H1-1: variants seen among roughly 807,000 people sequenced by gnomAD.
H1-1 encodes H1.1 linker histone, cluster member.
H1-1 carries 2 observed loss-of-function variants against 0.8 expected under a neutral mutation model. The observed-to-expected ratio is 2.64, with a 90% CI of 1.08 to 8.30. The LOEUF (loss-of-function observed/expected upper bound fraction) is 8.30, where lower values mean the gene tolerates loss of function less well. Ranked by LOEUF, H1-1 falls within the 30% of genes most tolerant of loss-of-function variation. H1-1 has a pLI of 0.04. For missense variants in H1-1, 516 were observed against 262.6 expected (o/e 1.97, Z -6.67); for synonymous variants, 211 against 108.2 (o/e 1.95, Z -5.89).
rs947497081 is a variant in H1-1, at chr6:26,017,333, C to G, written c.400G>C (p.Gly134Arg). 3 of 1,613,954 alleles carry G rather than the reference C, an allele frequency of 1.9e-6. No individual in the cohort carries two copies. Among genetic ancestry groups the G allele is most frequent in the African/African-American group, 2.7e-5 (2 of 74,850 alleles). The change falls in exon 1 of 1, where the codon GGT (glycine) becomes CGT (arginine). Residue 134 changes from glycine (G) to arginine (R), a missense_variant. Physicochemically the swap from Gly to Arg is moderately radical, Grantham distance 125. Coordinates refer to ENST00000244573, the MANE Select transcript of H1-1 (RefSeq NM_005325.4). Reference sequence around the variant, plus strand: ...GCCTTTTTGAGCTTTTTAGATGCACCCGTTGCCTTAGTTTTTGTAGCCACC... The same window carrying G: ...GCCTTTTTGAGCTTTTTAGATGCACGCGTTGCCTTAGTTTTTGTAGCCACC... Reference protein sequence around the residue: ...SKVATKTKATGASKKLKKATG... With the variant: ...SKVATKTKATRASKKLKKATG...
Position 26,017,148 on chromosome 6 carries a change from G to C in H1-1, c.585C>G (p.Ala195=). 1 of 1,612,164 alleles carries C rather than the reference G, an allele frequency of 6.2e-7. No individual in the cohort carries two copies. ...TCTTTGGCTTCGTCACCCTAGCCTT[G>C]GCCGCCTTGGGTTTTACAGCCTTAG... ...AKAKAVKPKA[A]KARVTKPKTA... Residue 195 remains alanine, a synonymous_variant, in exon 1 of 1, where the codon GCC becomes GCG. Coordinates refer to ENST00000244573, the MANE Select transcript of H1-1 (RefSeq NM_005325.4).
Position 26,017,530 on chromosome 6 carries a change from G to C in H1-1, c.203C>G (p.Ala68Gly), listed in dbSNP as rs147576172. The change falls in exon 1 of 1, where the codon GCG becomes GGG. Residue 68 changes from alanine to glycine, a missense_variant. Physicochemically the swap from Ala to Gly is moderately conservative, Grantham distance 60. Coordinates refer to ENST00000244573, the MANE Select transcript of H1-1 (RefSeq NM_005325.4). ...CACGTCGTAGCCTGCGGCCGCCAGC[G>C]CCTTTTTAAGAGCTGCCAACGACAC... ...GGVSLAALKK[A>G]LAAAGYDVEK... The C allele has an allele frequency of 6.2e-7, 1 of 1,614,096 alleles. No individual in the cohort carries two copies. The highest frequency in any genetic ancestry group is 8.5e-7 in the Non-Finnish European group (1 of 1,180,020).
In H1-1 at chr6:26,017,377, G is replaced by A; in HGVS notation, c.356C>T (p.Thr119Ile). Residue 119 changes from threonine to isoleucine, a missense_variant, in exon 1 of 1, where the codon ACC becomes ATC. Thr to Ile is a moderately conservative substitution (Grantham distance 89). Coordinates refer to ENST00000244573, the MANE Select transcript of H1-1 (RefSeq NM_005325.4). ...KLNKKASSVE[T>I]KPGASKVATK... ...AGCCACCTTTGAGGCGCCGGGCTTGGTTTCCACGGAGGACGCCTTCTTGTT... is the reference window on the plus strand; with the variant it reads ...AGCCACCTTTGAGGCGCCGGGCTTGATTTCCACGGAGGACGCCTTCTTGTT... 6.2e-7 allele frequency: 1 copy of A among 1,614,108 alleles called. No homozygotes were observed. The highest frequency in any genetic ancestry group is 8.5e-7 in the Non-Finnish European group (1 of 1,180,026).
Position 26,017,341 on chromosome 6 carries a change from T to C in H1-1, c.392A>G (p.Lys131Arg), listed in dbSNP as rs1406551994. The change falls in exon 1 of 1, where the codon AAG becomes AGG. Residue 131 changes from lysine to arginine, a missense_variant. Physicochemically the swap from Lys to Arg is conservative, Grantham distance 26. Transcript: ENST00000244573. ...GAGCTTTTTAGATGCACCCGTTGCC[T>C]TAGTTTTTGTAGCCACCTTTGAGGC... ...PGASKVATKT[K>R]ATGASKKLKK... The C allele has an allele frequency of 1.9e-6, 3 of 1,614,002 alleles. No individual in the cohort carries two copies. Among genetic ancestry groups the C allele is most frequent in the East Asian group, 4.5e-5 (2 of 44,888 alleles).
In H1-1 at chr6:26,017,541, A is replaced by G. The variant is rs951631809; in HGVS notation, c.192T>C (p.Ala64=). 6.2e-7 allele frequency: 1 copy of G among 1,613,964 alleles called. No individual in the cohort carries two copies. Among genetic ancestry groups the G allele is most frequent in the Admixed American group, 1.7e-5 (1 of 60,008 alleles). ...SKERGGVSLA[A]LKKALAAAGY... is the part of the protein sequence containing the mutation. ...CTGCGGCCGCCAGCGCCTTTTTAAG[A>G]GCTGCCAACGACACACCACCACGCT... The change falls in exon 1 of 1, where the codon GCT becomes GCC. Residue 64 remains alanine, a synonymous_variant. Coordinates refer to ENST00000244573, the MANE Select transcript of H1-1 (RefSeq NM_005325.4).
rs1554145649 is a variant in H1-1 at position 26,017,571 on chromosome 6, A to G, written c.162T>C (p.Ser54=). The G allele has an allele frequency of 2.5e-6, 4 of 1,613,964 alleles. No individual in the cohort carries two copies. The African/African-American group carries it at 4.0e-5, about 16-fold the overall frequency. The change falls in exon 1 of 1, where the codon TCT becomes TCC. Residue 54 remains serine (S), a synonymous_variant. Coordinates refer to ENST00000244573, the MANE Select transcript of H1-1 (RefSeq NM_005325.4). ...SELIVQAASS[S]KERGGVSLAA... ...CCAACGACACACCACCACGCTCCTT[A>G]GAGGAGGAAGCAGCCTGCACGATCA...
At position 26,017,179 on chromosome 6, in the gene H1-1, G is replaced by A. The variant is rs775116949; in HGVS notation, c.554C>T (p.Ala185Val). The A allele has an allele frequency of 5.0e-6, 8 of 1,613,948 alleles. No homozygotes were observed. The South Asian group carries it at 7.7e-5, about 16-fold the overall frequency. ...VKPKKVAKSP[A>V]KAKAVKPKAA... ...CTTGGGTTTTACAGCCTTAGCTTTA[G>A]CAGGGCTTTTAGCTACTTTCTTGGG... The change falls in exon 1 of 1, where the codon GCT (alanine) becomes GTT (valine). Residue 185 changes from alanine (A) to valine (V), a missense_variant. Coordinates refer to ENST00000244573, the MANE Select transcript of H1-1 (RefSeq NM_005325.4).
Position 26,017,243 on chromosome 6 carries a change from T to C in H1-1, c.490A>G (p.Lys164Glu), listed in dbSNP as rs747579177. ...KKAKKPAATR[K>E]SSKNPKKPKT... is the part of the protein sequence containing the mutation. The stretch of plus-strand genomic sequence containing the variant: ...GGTTTTTTTGGATTCTTGGAGGATT[T>C]CCTTGTTGCCGCAGGCTTTTTAGCC... Residue 164 changes from lysine (K) to glutamate (E), a missense_variant, in exon 1 of 1, where the codon AAA becomes GAA. Physicochemically the swap from Lys to Glu is moderately conservative, Grantham distance 56 (BLOSUM62 1). Transcript: ENST00000244573. 6.2e-7 allele frequency: 1 copy of C among 1,614,038 alleles called. No homozygotes were observed. The highest frequency in any genetic ancestry group is 8.5e-7 in the Non-Finnish European group (1 of 1,180,048).
chr6:26,017,400 G>A lies in H1-1; in HGVS notation c.333C>T (p.Asn111=), dbSNP rs373841901. 1.1e-4 allele frequency: 178 copies of A among 1,614,076 alleles called. 1 individual carries two copies. In the Middle Eastern group the frequency reaches 2.8e-3, roughly 25 times the overall value. Reference sequence around the variant, plus strand: ...TGGTTTCCACGGAGGACGCCTTCTTGTTGAGCTTGAAGGAACCCGAGGCTC... The same window carrying A: ...TGGTTTCCACGGAGGACGCCTTCTTATTGAGCTTGAAGGAACCCGAGGCTC... ...GTGASGSFKL[N]KKASSVETKP... Residue 111 remains asparagine (N), a synonymous_variant, in exon 1 of 1, where the codon AAC becomes AAT. Transcript: ENST00000244573.
rs140168202 is a variant in H1-1, at chr6:26,017,239, G to T, written c.494C>A (p.Ser165Tyr). The change falls in exon 1 of 1, where the codon TCC (serine) becomes TAC (tyrosine). Residue 165 changes from serine (S) to tyrosine (Y), a missense_variant. Transcript: ENST00000244573. Reference protein sequence around the residue: ...KAKKPAATRKSSKNPKKPKTV... With the variant: ...KAKKPAATRKYSKNPKKPKTV... The stretch of plus-strand genomic sequence containing the variant: ...TTTGGGTTTTTTTGGATTCTTGGAG[G>T]ATTTCCTTGTTGCCGCAGGCTTTTT... 1.2e-6 allele frequency: 2 copies of T among 1,614,090 alleles called. No homozygotes were observed. Among genetic ancestry groups the T allele is most frequent in the African/African-American group, 2.7e-5 (2 of 74,976 alleles).
rs1181810029 is a variant in H1-1 at position 26,017,689 on chromosome 6, G to A, written c.44C>T (p.Pro15Leu). 6.2e-6 allele frequency: 10 copies of A among 1,613,840 alleles called. No individual in the cohort carries two copies. In the East Asian group the frequency reaches 1.3e-4, roughly 22 times the overall value. ...CTTCTTGCCAGCTAAAGGTTTCTCA[G>A]GAGCAGCAGAAGCGGCGGGGGCGGG... is the stretch of plus-strand genomic sequence containing the variant. ...VPPAPAASAAPEKPLAGKKAK... is the reference protein window; with the variant it reads ...VPPAPAASAALEKPLAGKKAK... Residue 15 changes from proline to leucine, a missense_variant, in exon 1 of 1, where the codon CCT becomes CTT. Coordinates refer to ENST00000244573, the MANE Select transcript of H1-1 (RefSeq NM_005325.4).
chr6:26,017,663 C>G lies in H1-1; in HGVS notation c.70G>C (p.Ala24Pro). The G allele has an allele frequency of 6.2e-7, 1 of 1,614,118 alleles. No homozygotes were observed. Among genetic ancestry groups the G allele is most frequent in the Non-Finnish European group, 8.5e-7 (1 of 1,180,022 alleles). The change falls in exon 1 of 1, where the codon GCA becomes CCA. Residue 24 changes from alanine (A) to proline (P), a missense_variant. Coordinates refer to ENST00000244573, the MANE Select transcript of H1-1 (RefSeq NM_005325.4). ...APEKPLAGKK[A>P]KKPAKAAAAS... The stretch of plus-strand genomic sequence containing the variant: ...GCTGCAGCCTTAGCAGGTTTCTTTG[C>G]CTTCTTGCCAGCTAAAGGTTTCTCA...
Position 26,017,251 on chromosome 6 carries a change from G to T in H1-1, c.482C>A (p.Ala161Glu). ...TGGATTCTTGGAGGATTTCCTTGTTGCCGCAGGCTTTTTAGCCTTTTTCGG... is the reference window on the plus strand; with the variant it reads ...TGGATTCTTGGAGGATTTCCTTGTTTCCGCAGGCTTTTTAGCCTTTTTCGG... ...KTPKKAKKPAATRKSSKNPKK... is the reference protein window; with the variant it reads ...KTPKKAKKPAETRKSSKNPKK... The change falls in exon 1 of 1, where the codon GCA (alanine) becomes GAA (glutamate). Residue 161 changes from alanine (A) to glutamate (E), a missense_variant. Transcript: ENST00000244573. The T allele has an allele frequency of 3.7e-6, 6 of 1,613,994 alleles. No individual in the cohort carries two copies. The highest frequency in any genetic ancestry group is 5.1e-6 in the Non-Finnish European group (6 of 1,180,020).
chr6:26,017,551 G>T lies in H1-1; in HGVS notation c.182C>A (p.Ser61Ter), dbSNP rs369860594. 1.2e-6 allele frequency: 2 copies of T among 1,614,082 alleles called. No homozygotes were observed. Among genetic ancestry groups the T allele is most frequent in the African/African-American group, 1.3e-5 (1 of 75,016 alleles). The part of the protein sequence containing the change: ...ASSSKERGGV[S>*]LAALKKALAA... ...CAGCGCCTTTTTAAGAGCTGCCAAC[G>T]ACACACCACCACGCTCCTTAGAGGA... The change falls in exon 1 of 1, where the codon TCG (serine) becomes TAG (stop). Residue 61 changes from serine to a stop codon, truncating the protein, a stop_gained. Coordinates refer to ENST00000244573, the MANE Select transcript of H1-1 (RefSeq NM_005325.4). LOFTEE classifies it low-confidence loss of function (END_TRUNC).
In H1-1 at chr6:26,017,043, TAA is replaced by T. The variant is rs761851685; in HGVS notation, c.*40_*41del. The T allele has an allele frequency of 1.6e-5, 24 of 1,540,650 alleles. No individual in the cohort carries two copies. The highest frequency in any genetic ancestry group is 1.9e-5 in the Non-Finnish European group (22 of 1,151,266). ...TTTCCTGAAATGCGTAGGTGGCTCT[TAA>T]AAGAGCCGTTGGGTTACTAGAAGAA... On this transcript the variant is annotated 3_prime_UTR_variant, in exon 1 of 1. Transcript: ENST00000244573.
Position 26,017,757 on chromosome 6 carries a change from A to T in H1-1, c.-25T>A. ...TGGTGACTAACACAGCACACCAAATAAAGTGGTATAAACCTGACGAAGCAG... is the reference window on the plus strand; with the variant it reads ...TGGTGACTAACACAGCACACCAAATTAAGTGGTATAAACCTGACGAAGCAG... On this transcript the variant is annotated 5_prime_UTR_variant, in exon 1 of 1. Transcript: ENST00000244573. 6.3e-7 allele frequency: 1 copy of T among 1,598,856 alleles called. No individual in the cohort carries two copies. Among genetic ancestry groups the T allele is most frequent in the Non-Finnish European group, 8.5e-7 (1 of 1,171,454 alleles).
Position 26,017,318 on chromosome 6 carries a change from G to C in H1-1, c.415C>G (p.Leu139Val). ...KTKATGASKK[L>V]KKATGASKKS... ...TTGCTAGCCCCCGTGGCCTTTTTGA[G>C]CTTTTTAGATGCACCCGTTGCCTTA... The change falls in exon 1 of 1, where the codon CTC (leucine) becomes GTC (valine). Residue 139 changes from leucine to valine, a missense_variant. Leu to Val is a conservative substitution (Grantham distance 32, BLOSUM62 1). Transcript: ENST00000244573. 3 of 1,613,960 alleles carry C rather than the reference G, an allele frequency of 1.9e-6. No individual in the cohort carries two copies. The highest frequency in any genetic ancestry group is 2.2e-5 in the South Asian group (2 of 91,076).
rs149078547 is a variant in H1-1, at chr6:26,017,627, T to C, written c.106A>G (p.Lys36Glu). 6.3e-5 allele frequency: 101 copies of C among 1,614,172 alleles called. No homozygotes were observed. In the African/African-American group the frequency reaches 1.2e-3, roughly 19 times the overall value. ...KPAKAAAASKKKPAGPSVSEL... is the reference protein window; with the variant it reads ...KPAKAAAASKEKPAGPSVSEL... ...GACACGGAAGGGCCAGCGGGTTTTT[T>C]CTTGGAGGCTGCTGCAGCCTTAGCA... The change falls in exon 1 of 1, where the codon AAA becomes GAA. Residue 36 changes from lysine to glutamate, a missense_variant. Transcript: ENST00000244573.
rs370624155 is a variant in H1-1 at position 26,017,219 on chromosome 6, G to T, written c.514C>A (p.Pro172Thr). The T allele has an allele frequency of 3.1e-6, 5 of 1,614,062 alleles. No homozygotes were observed. In the South Asian group the frequency reaches 3.3e-5, roughly 11 times the overall value. Residue 172 changes from proline to threonine, a missense_variant, in exon 1 of 1, where the codon CCC becomes ACC. By Grantham distance (38) the Pro-to-Thr change is conservative (BLOSUM62 -1). Coordinates refer to ENST00000244573, the MANE Select transcript of H1-1 (RefSeq NM_005325.4). ...ACTTTCTTGGGCTTTACAGTTTTGG[G>T]TTTTTTTGGATTCTTGGAGGATTTC... is the stretch of plus-strand genomic sequence containing the variant. ...TRKSSKNPKKPKTVKPKKVAK... is the reference protein window; with the variant it reads ...TRKSSKNPKKTKTVKPKKVAK...
Sources: gnomAD v4.1 joint callset for allele counts on GRCh38, gnomAD v4.1.1 for gene constraint, MANE v1.5 for transcripts, NCBI Gene and HGNC (gene_info 2026-07-23, HGNC 2026-07-21) for gene names.